Variants in BCCIP observed in about 807,000 individuals in gnomAD.
The protein encoded by BCCIP is BRCA2 and CDKN1A-interacting protein.
A neutral mutation model predicts 32.8 loss-of-function variants in BCCIP; 23 were observed. The ratio of observed to expected loss-of-function variants is 0.70; its 90% CI spans 0.51 to 0.99. The LOEUF is 0.99. BCCIP is among the 50% of genes least tolerant of loss of function. BCCIP has a pLI of 0.00. For missense variants in BCCIP, 378 were observed against 379.8 expected (o/e 1.00, Z 0.04); for synonymous variants, 144 against 137.6 (o/e 1.05, Z -0.33).
exon 7 of BCCIP, chr10:125,841,949 A>C (rs1564823001): frequency 6.4e-7 from 1 of 1,573,328 alleles, no homozygotes; most frequent in African/African-American, 1.4e-5. Context: ...GAAAGGAAAA[A>C]AATAATAATT....
At chr10:125,842,810 C>G (rs944426338), downstream of BCCIP, 2 of 947,378 alleles carry the variant, frequency 2.1e-6, no homozygotes, top group Non-Finnish European at 2.5e-6. Context: ...CAAGCTGATT[C>G]TCTCCATCTC....
intron 5 of BCCIP, among the ~76,000 whole-genome samples, chr10:125,833,535 T>G (rs1435515761): frequency 1.3e-5 from 2 of 151,770 alleles, no homozygotes; most frequent in Non-Finnish European, 2.9e-5. Flanking sequence ...TTGCTATATA[T>G]CCACAAATCA....
chr10:125,833,298 A>G (rs1040838672), intron 5 of BCCIP, among the ~76,000 whole-genome samples: 1 of 152,212 alleles, frequency 6.6e-6, no homozygotes, highest in Non-Finnish European at 1.5e-5. Context: ...GTGTTTATGC[A>G]GTTTCTGCAG....
Position 125,852,397 on chromosome 10 carries a change from A to G in BCCIP, c.851-728A>G, listed in dbSNP as rs752286553. 6.2e-7 allele frequency: 1 copy of G among 1,614,226 alleles called. No individual in the cohort carries two copies. Among genetic ancestry groups the G allele is most frequent in the Non-Finnish European group, 8.5e-7 (1 of 1,180,038 alleles). On this transcript the variant is annotated intron_variant, in intron 7 of 7. Transcript: ENST00000368759. ...GGCTTCCTGCATTTCTGCTGGCTTCAGTGGCGTCATGTCTTTGGAGGCAAA... is the reference window on the plus strand; with the variant it reads ...GGCTTCCTGCATTTCTGCTGGCTTCGGTGGCGTCATGTCTTTGGAGGCAAA...
At chr10:125,833,621 A>G (rs1274609959) in intron 5 of BCCIP, 151 bp from the exon 6 acceptor site, 10 of 665,850 alleles carry the variant, frequency 1.5e-5, no homozygotes, top group Non-Finnish European at 2.6e-5. Flanking sequence ...ATGTAAATAA[A>G]AATCATTCCT....
chr10:125,824,075 C>T (rs1221427134), intron 1 of BCCIP, among the ~76,000 whole-genome samples: 4 of 152,202 alleles, frequency 2.6e-5, no homozygotes, highest in Admixed American at 1.3e-4. Flanking sequence ...GGGGCAGCAG[C>T]TGTCCTCCTC....
downstream of BCCIP, among the ~76,000 whole-genome samples, chr10:125,845,716 A>C (rs1200555729): frequency 6.6e-6 from 1 of 152,262 alleles, no homozygotes; most frequent in African/African-American, 2.4e-5. Context: ...AAGCATTTTC[A>C]ACTCCCTGCC....
intron 4 of BCCIP, among the ~76,000 whole-genome samples, chr10:125,831,131 A>C (rs1231757762): frequency 6.6e-6 from 1 of 152,240 alleles, no homozygotes; most frequent in South Asian, 2.1e-4. Context: ...TTTGAAATAA[A>C]CTGTCCAGTT....
intron 7 of BCCIP, among the ~76,000 whole-genome samples, chr10:125,848,474 C>T (rs926416421): frequency 6.6e-6 from 1 of 152,184 alleles, no homozygotes; most frequent in African/African-American, 2.4e-5. Context: ...ACATGGCCAC[C>T]CAGCTGTTTT....
chr10:125,826,807 C>G (rs1414567754), intron 2 of BCCIP, 142 bp downstream of exon 2: 2 of 1,401,356 alleles, frequency 1.4e-6, no homozygotes, highest in Middle Eastern at 2.7e-4. Flanking sequence ...TGAGACCAGC[C>G]TGGGCAACAT....
exon 7 of BCCIP, chr10:125,841,672 A>G: frequency 1.3e-6 from 2 of 1,553,202 alleles, no homozygotes; most frequent in African/African-American, 2.8e-5. Flanking sequence ...TATAATTTCA[A>G]ATGGATCCGA....
intron 7 of BCCIP, chr10:125,852,206 G>A (rs1714809418): frequency 2.0e-6 from 3 of 1,503,422 alleles, no homozygotes; most frequent in East Asian, 2.3e-5. Context: ...GTGCATTGCT[G>A]CGCATCATGT....
intron 3 of BCCIP, among the ~76,000 whole-genome samples, chr10:125,829,415 T>C (rs1854474262): frequency 1.3e-5 from 2 of 152,340 alleles, no homozygotes; most frequent in South Asian, 4.1e-4. Flanking sequence ...CCATTCAGTC[T>C]AATGTTCCAC....
At chr10:125,830,693 C>A in intron 4 of BCCIP, 42 bp downstream of exon 4, 1 of 1,216,366 alleles carries the variant, frequency 8.2e-7, no homozygotes, top group Non-Finnish European at 1.2e-6. Context: ...ATTTCTTAGG[C>A]CAAAACCACT....
chr10:125,853,071 C>G, intron 7 of BCCIP: 1 of 1,309,692 alleles, frequency 7.6e-7, no homozygotes, highest in Non-Finnish European at 1.1e-6. Context: ...GAGTTCCAAT[C>G]ATAACAGCTA....
At chr10:125,828,423 G>A (rs923554119) in intron 3 of BCCIP, among the ~76,000 whole-genome samples, 1 of 150,654 alleles carries the variant, frequency 6.6e-6, no homozygotes, top group Admixed American at 6.6e-5. Context: ...GGAGGGAAGG[G>A]ACAGACACCT....
chr10:125,836,620 C>A, downstream of BCCIP: 1 of 1,563,050 alleles, frequency 6.4e-7, no homozygotes. Context: ...CATGTATCTC[C>A]CATATCCAGC....
intron 6 of BCCIP, 127 bp downstream of exon 6, chr10:125,834,073 C>A: frequency 2.0e-6 from 2 of 1,016,078 alleles, no homozygotes; most frequent in African/African-American, 1.6e-5. Flanking sequence ...TTTTCTGTTT[C>A]CCCACAGGAC....
intron 7 of BCCIP, among the ~76,000 whole-genome samples, chr10:125,850,222 C>G (rs892335383): frequency 1.3e-5 from 2 of 151,940 alleles, no homozygotes; most frequent in African/African-American, 4.8e-5. Context: ...AAGCAGTTCT[C>G]CCACCTCAGC....
Sources: allele counts gnomAD v4.1 joint callset (sites outside exome capture counted in the v4.1 genomes callset), GRCh38; gene constraint gnomAD v4.1.1; transcripts MANE v1.5; gene names NCBI Gene and HGNC (gene_info 2026-07-23, HGNC 2026-07-21).